Variants in TYW3 observed in about 807,000 individuals in gnomAD.
The protein encoded by TYW3 is tRNA-yW synthesizing protein 3 homolog, also known as tRNA wybutosine-synthesizing protein 3 homolog.
Under a neutral mutation model 23.1 loss-of-function variants are expected in TYW3, and 26 were observed. That is an observed-to-expected ratio of 1.13 (90% CI 0.83 to 1.56). TYW3 has a LOEUF of 1.56. TYW3 is among the 40% of genes most tolerant of loss of function. The pLI, the probability that TYW3 is intolerant of heterozygous loss-of-function variation, is 0.00. For missense variants in TYW3, 316 were observed against 311.9 expected (o/e 1.01, Z -0.10); for synonymous variants, 102 against 105.7 (o/e 0.97, Z 0.21).
chr1:74,745,581 G>T (rs1332863524), intron 3 of TYW3, among the ~76,000 whole-genome samples: 2 of 152,182 alleles, frequency 1.3e-5, no homozygotes, highest in African/African-American at 2.4e-5. Context: ...CAATCCTCTA[G>T]CTAGGCAGAA....
chr1:74,761,046 A>G (rs960981605), intron 5 of TYW3, among the ~76,000 whole-genome samples: 42 of 151,014 alleles, frequency 2.8e-4, no homozygotes, highest in African/African-American at 9.9e-4. Flanking sequence ...GAGAAAAAAT[A>G]CAGTTGCCTG....
intron 2 of TYW3, among the ~76,000 whole-genome samples, chr1:74,738,119 A>AC (rs1262028091): frequency 6.6e-6 from 1 of 151,940 alleles, no homozygotes; most frequent in Non-Finnish European, 1.5e-5. Flanking sequence ...AAAAAAAACA[A>AC]ACAAAAAAAC....
chr1:74,745,722 C>T (rs372916825), intron 3 of TYW3, among the ~76,000 whole-genome samples: 25 of 152,302 alleles, frequency 1.6e-4, no homozygotes, highest in East Asian at 1.3e-3. Context: ...TGTCTGCTAG[C>T]GTTGACATAA....
At position 74,736,544 on chromosome 1, in the gene TYW3, T is replaced by C. The variant is rs1177213708; in HGVS notation, c.177T>C (p.Gly59=). The change falls in exon 2 of 6, where the codon GGT becomes GGC. Residue 59 remains glycine (G), a splice_region_variant and synonymous_variant. Coordinates refer to ENST00000370867, the MANE Select transcript of TYW3 (RefSeq NM_138467.3). The part of the protein sequence containing the change: ...CAGRILLLDR[G]INGFEVQKQN... ...AATTATGTTATTTTTTATTTTAGGGTATAAATGGTTTTGAGGTTCAGAAAC... is the reference window on the plus strand; with the variant it reads ...AATTATGTTATTTTTTATTTTAGGGCATAAATGGTTTTGAGGTTCAGAAAC... 2 of 1,593,544 alleles carry C rather than the reference T, an allele frequency of 1.3e-6. No homozygotes were observed. The highest frequency in any genetic ancestry group is 1.7e-6 in the Non-Finnish European group (2 of 1,169,918).
chr1:74,760,440 G>T (rs1485507146), intron 5 of TYW3, among the ~76,000 whole-genome samples: 3 of 152,168 alleles, frequency 2.0e-5, no homozygotes, highest in African/African-American at 7.2e-5. Flanking sequence ...TGTTTCCTGG[G>T]ACATCCCCCA....
chr1:74,742,761 G>T (rs1220951621), intron 3 of TYW3, among the ~76,000 whole-genome samples: 2 of 152,180 alleles, frequency 1.3e-5, no homozygotes, highest in Non-Finnish European at 2.9e-5. Context: ...ATTGCAGCAT[G>T]GGCATGTAGG....
intron 5 of TYW3, among the ~76,000 whole-genome samples, chr1:74,761,306 C>T (rs1479898984): frequency 6.6e-6 from 1 of 151,754 alleles, no homozygotes; most frequent in Non-Finnish European, 1.5e-5. Context: ...GTTTTGGTAC[C>T]CTAAGGACAT....
chr1:74,733,538 T>A, intron 1 of TYW3, 120 bp downstream of exon 1: 7 of 1,449,646 alleles, frequency 4.8e-6, no homozygotes, highest in South Asian at 2.9e-5. Context: ...AGGGGTGGTC[T>A]CTGTTTCTTT....
chr1:74,754,059 A>G (rs1648873799), intron 5 of TYW3, among the ~76,000 whole-genome samples: 1 of 152,328 alleles, frequency 6.6e-6, no homozygotes, highest in South Asian at 2.1e-4. Context: ...CCATTCCACC[A>G]GACTACAGAC....
intron 3 of TYW3, among the ~76,000 whole-genome samples, chr1:74,740,437 G>T (rs1648311852): frequency 6.6e-6 from 1 of 152,250 alleles, no homozygotes. Context: ...CTGCAGCTTG[G>T]AAGGGGACTC....
At position 74,763,824 on chromosome 1, in the gene TYW3, G is replaced by A. The variant is rs188356157; in HGVS notation, c.561-70G>A. On this transcript the variant is annotated intron_variant, in intron 5 of 5. Transcript: ENST00000370867. ...ATAGTCAAATTTACATAACTTATAA[G>A]CTCTTGGTGTATTTCAGTCATTTCG... 91 of 1,196,378 alleles carry A rather than the reference G, an allele frequency of 7.6e-5. No homozygotes were observed. The African/African-American group carries it at 1.2e-3, about 16-fold the overall frequency. 74.1% of individuals were successfully genotyped at this position (1,196,378 alleles called of 1,614,324 possible).
rs1570072572 is a variant in TYW3 at position 74,752,408 on chromosome 1, CAAGAA to C, written c.549_553del (p.Lys183AsnfsTer2). On this transcript the variant is annotated frameshift_variant, in exon 5 of 6. Transcript: ENST00000370867. LOFTEE classifies it low-confidence loss of function (END_TRUNC). ...TGGCAAATCAAAAAATGGAGGAAAACAAGAAAAGAATTGAGAGGTATATTAATTGG... is the reference window on the plus strand; with the variant it reads ...TGGCAAATCAAAAAATGGAGGAAAACAAGAATTGAGAGGTATATTAATTGG... 6.2e-7 allele frequency: 1 copy of C among 1,612,926 alleles called. No homozygotes were observed.
intron 5 of TYW3, among the ~76,000 whole-genome samples, chr1:74,753,735 A>T (rs1452925486): frequency 6.6e-6 from 1 of 152,220 alleles, no homozygotes; most frequent in Non-Finnish European, 1.5e-5. Context: ...TCATTGATTC[A>T]TGGAGAATAA....
intron 4 of TYW3, among the ~76,000 whole-genome samples, chr1:74,750,800 C>CTTTT (rs34468239): frequency 1.3e-3 from 89 of 67,670 alleles, no homozygotes; most frequent in Non-Finnish European, 1.8e-3. Flanking sequence ...TCCCCCGCTC[C>CTTTT]TTTTTTTTTT....
intron 2 of TYW3, 148 bp downstream of exon 2, chr1:74,736,770 C>T (rs1284020658): frequency 1.6e-6 from 1 of 612,598 alleles, no homozygotes; most frequent in South Asian, 2.8e-5. Flanking sequence ...ATTACAATGG[C>T]TCTTTTTGGG....
intron 5 of TYW3, among the ~76,000 whole-genome samples, chr1:74,753,214 T>C (rs1648848311): frequency 6.6e-6 from 1 of 152,228 alleles, no homozygotes; most frequent in Non-Finnish European, 1.5e-5. Context: ...CTCCACTCTT[T>C]TGGCTACTTC....
chr1:74,761,346 T>G lies in TYW3; in HGVS notation c.561-2548T>G, dbSNP rs1035510245. 2.0e-5 allele frequency among the ~76,000 whole-genome samples: 3 copies of G among 152,236 alleles called. No homozygotes were observed. In the East Asian group the frequency reaches 5.8e-4, roughly 29 times the overall value. On this transcript the variant is annotated intron_variant, in intron 5 of 5. Coordinates refer to ENST00000370867, the MANE Select transcript of TYW3 (RefSeq NM_138467.3). ...TTGAATTCTTAGGTTCTTTAATGGT[T>G]GATTAAAGTAAGGCATACATTCCTT...
intron 5 of TYW3, among the ~76,000 whole-genome samples, chr1:74,762,860 G>T (rs1162104601): frequency 2.6e-5 from 4 of 152,086 alleles, no homozygotes; most frequent in Non-Finnish European, 5.9e-5. Flanking sequence ...TTTGTGTTAG[G>T]TGTTAACATG....
chr1:74,745,463 ACTGATTGGTGCGTTTTTACAGAGTG>A (rs922970166), intron 3 of TYW3, among the ~76,000 whole-genome samples: 2 of 151,810 alleles, frequency 1.3e-5, no homozygotes, highest in Admixed American at 6.6e-5. Flanking sequence ...GACACAGAGC[ACTGATTGGTGCGTTTTTACAGAGTG>A]CTGATTGGTG....
Sources: gnomAD v4.1 joint callset for allele counts (sites outside exome capture counted in the v4.1 genomes callset) on GRCh38, gnomAD v4.1.1 for gene constraint, MANE v1.5 for transcripts, NCBI Gene and HGNC (gene_info 2026-07-23, HGNC 2026-07-21) for gene names.